The following NAV1 variants were observed in gnomAD, a reference collection of about 807,000 sequenced individuals.
NAV1 encodes pore membrane and/or filament interacting like protein 3.
Under a neutral mutation model 175.2 loss-of-function variants are expected in NAV1, and 18 were observed. The ratio of observed to expected loss-of-function variants is 0.10; its 90% confidence interval spans 0.07 to 0.15. The LOEUF is 0.15. Ranked by LOEUF, NAV1 falls within the 10% of genes least tolerant of loss-of-function variation. NAV1 has a pLI of 1.00. For missense variants in NAV1, 1,731 were observed against 2,436.6 expected, an observed-to-expected ratio of 0.71 and a Z score of 6.10; for synonymous variants, 897 against 978.7, an observed-to-expected ratio of 0.92 and a Z score of 1.56.
intron 3 of NAV1, among the ~76,000 whole-genome samples, chr1:201,730,012 C>T (rs537510688): frequency 2.0e-5 from 3 of 152,286 alleles, no homozygotes; most frequent in East Asian, 1.9e-4. Context: ...GCTATAAAGG[C>T]CATCATCTAT....
chr1:201,754,317 TA>T (rs970669309), intron 3 of NAV1, among the ~76,000 whole-genome samples: 2 of 151,736 alleles, frequency 1.3e-5, no homozygotes, highest in Non-Finnish European at 2.9e-5. Context: ...GACCAAAGTG[TA>T]AAAGGTGGGC....
At chr1:201,548,368 A>G (rs768979230) in intron 1 of NAV1, among the ~76,000 whole-genome samples, 2 of 152,114 alleles carry the variant, frequency 1.3e-5, no homozygotes, top group East Asian at 3.9e-4. Flanking sequence ...CTCACCCCCC[A>G]ATCTGTACAA....
At chr1:201,816,730 T>C (rs571991129) in intron 28 of NAV1, 376 of 150,884 alleles carry the variant, frequency 2.5e-3, no homozygotes, top group African/African-American at 8.8e-3. Flanking sequence ...CAGGCTGAAG[T>C]GCAGTGGCTC....
intron 2 of NAV1, among the ~76,000 whole-genome samples, chr1:201,606,020 C>T (rs1029169832): frequency 3.3e-5 from 5 of 152,108 alleles, no homozygotes; most frequent in Admixed American, 6.5e-5. Context: ...TTTCCAGGTG[C>T]GTGGGCTTGT....
intron 1 of NAV1, among the ~76,000 whole-genome samples, chr1:201,662,294 A>G (rs1456815278): frequency 1.3e-5 from 2 of 152,268 alleles, no homozygotes; most frequent in Non-Finnish European, 2.9e-5. Flanking sequence ...TACCTGCCGC[A>G]GGCTGAGGAC....
chr1:201,648,309 G>A, exon 1 of NAV1: 2 of 1,133,236 alleles, frequency 1.8e-6, no homozygotes, highest in Non-Finnish European at 2.2e-6. Context: ...CAAAAGCACC[G>A]CTGGGCGCCG....
At chr1:201,723,770 T>C (rs1393069266) in intron 3 of NAV1, 2 of 152,244 alleles carry the variant, frequency 1.3e-5, no homozygotes, top group African/African-American at 4.8e-5. Flanking sequence ...GGAAGCTTAT[T>C]CCATATCATA....
chr1:201,607,522 C>T (rs907071987), intron 2 of NAV1, among the ~76,000 whole-genome samples: 6 of 152,078 alleles, frequency 3.9e-5, no homozygotes, highest in Non-Finnish European at 7.4e-5. Context: ...GATGGAGTCT[C>T]GCTCTGTCTC....
chr1:201,567,003 A>G (rs372420892), intron 1 of NAV1, among the ~76,000 whole-genome samples: 1 of 151,938 alleles, frequency 6.6e-6, no homozygotes, highest in East Asian at 1.9e-4. Flanking sequence ...TAATCCCCAA[A>G]CCACAGGGTG....
At chr1:201,613,407 A>G (rs1667910805) in intron 2 of NAV1, among the ~76,000 whole-genome samples, 3 of 152,172 alleles carry the variant, frequency 2.0e-5, no homozygotes, top group African/African-American at 7.2e-5. Flanking sequence ...TGTTTCTGCT[A>G]TTCTGACTGA....
intron 1 of NAV1, among the ~76,000 whole-genome samples, chr1:201,580,333 T>A (rs979554296): frequency 3.4e-4 from 52 of 152,196 alleles, no homozygotes; most frequent in Non-Finnish European, 5.6e-4. Flanking sequence ...CAGCTAAAAT[T>A]AACAATCACA....
intron 3 of NAV1, among the ~76,000 whole-genome samples, chr1:201,726,725 G>T (rs1672622185): frequency 6.6e-6 from 1 of 151,842 alleles, no homozygotes; most frequent in African/African-American, 2.4e-5. Context: ...GATGGCTTCT[G>T]CCTTAATTAG....
Position 201,651,738 on chromosome 1 carries a change from A to G in NAV1, c.757+2313A>G, listed in dbSNP as rs549748463. On this transcript the variant is annotated intron_variant, in intron 1 of 29. Coordinates refer to ENST00000367296, the Ensembl canonical transcript of NAV1. ...CTGCCCAAGGCTATGTCTACTGGGT[A>G]TGGGCCACCAGAACTGCCTCGATGA... Among the ~76,000 whole-genome samples the G allele has an allele frequency of 2.6e-5, 4 of 152,102 alleles. No homozygotes were observed. The South Asian group carries it at 6.2e-4, about 24-fold the overall frequency.
chr1:201,549,283 T>C (rs1368875862), intron 1 of NAV1, among the ~76,000 whole-genome samples: 1 of 151,742 alleles, frequency 6.6e-6, no homozygotes, highest in Non-Finnish European at 1.5e-5. Flanking sequence ...TCACAGCACA[T>C]TGCAGCCTCA....
intron 2 of NAV1, among the ~76,000 whole-genome samples, chr1:201,617,536 G>A (rs1046195148): frequency 2.0e-5 from 3 of 152,114 alleles, no homozygotes; most frequent in East Asian, 1.9e-4. Flanking sequence ...GACCAGCCAG[G>A]GAAACATAGC....
chr1:201,642,560 C>CTTTCTTTCTTTCTTTCTTTCTTTCTTT (rs1491393436), intron 2 of NAV1, among the ~76,000 whole-genome samples: 1 of 32,910 alleles, frequency 3.0e-5, no homozygotes, highest in African/African-American at 2.2e-4. Context: ...TTTCTTTTTT[C>CTTTCTTTCTTTCTTTCTTTCTTTCTTT]CCTTTCTTCC....
At position 201,740,042 on chromosome 1, in the gene NAV1, C is replaced by G; in HGVS notation, c.1226+21287C>G. On this transcript the variant is annotated intron_variant, in intron 3 of 29. Coordinates refer to ENST00000367296, the Ensembl canonical transcript of NAV1. The surrounding 1 kb of genome is among the most constrained non-coding windows in gnomAD (Gnocchi z 4.7). ...GGGGAAGATGCTTCATCTGCCCCTG[C>G]CCAGATCCGGAAGAACGGTGAATTT... 2 of 1,502,860 alleles carry G rather than the reference C, an allele frequency of 1.3e-6. No individual in the cohort carries two copies. The highest frequency in any genetic ancestry group is 1.8e-6 in the Non-Finnish European group (2 of 1,123,808). 93.1% of individuals were successfully genotyped at this position (1,502,860 alleles called of 1,614,324 possible).
chr1:201,701,590 C>A (rs1671427319), intron 1 of NAV1, among the ~76,000 whole-genome samples: 1 of 152,158 alleles, frequency 6.6e-6, no homozygotes, highest in African/African-American at 2.4e-5. Context: ...AACCCAACAA[C>A]TGAATTTGAA....
exon 1 of NAV1, chr1:201,649,364 C>T (rs142126747): frequency 8.7e-6 from 14 of 1,607,360 alleles, no homozygotes; most frequent in Non-Finnish European, 1.2e-5. Flanking sequence ...TCAAGGTGGA[C>T]CCCGAGCTGG....
Sources: allele counts gnomAD v4.1 joint callset (sites outside exome capture counted in the v4.1 genomes callset), GRCh38; gene constraint gnomAD v4.1.1; non-coding constraint Gnocchi (gnomAD v3.1); transcripts MANE v1.5; gene names NCBI Gene and HGNC (gene_info 2026-07-23, HGNC 2026-07-21).